The following JAKMIP2 variants were observed in gnomAD, a reference collection of about 807,000 sequenced individuals.
JAKMIP2 encodes janus kinase and microtubule interacting protein 2, also known as janus kinase and microtubule-interacting protein 2.
Under a neutral mutation model 115.0 loss-of-function variants are expected in JAKMIP2, and 25 were observed. That is an observed-to-expected ratio of 0.22 (90% CI 0.16 to 0.30). The LOEUF (loss-of-function observed/expected upper bound fraction) is 0.30. Ranked by LOEUF, JAKMIP2 falls within the 10% of genes least tolerant of loss-of-function variation. The pLI is 1.00. For missense variants in JAKMIP2, 642 were observed against 957.6 expected (o/e 0.67, Z 4.35); for synonymous variants, 334 against 343.6 (o/e 0.97, Z 0.31).
intron 12 of JAKMIP2, among the ~76,000 whole-genome samples, chr5:147,633,738 G>A (rs552821387): frequency 7.0e-6 from 1 of 142,774 alleles, no homozygotes; most frequent in East Asian, 2.2e-4. Flanking sequence ...TCTTGTCCCC[G>A]AGGCTGGAGT....
intron 1 of JAKMIP2, among the ~76,000 whole-genome samples, chr5:147,731,947 C>T (rs1327458729): frequency 6.6e-6 from 1 of 152,168 alleles, no homozygotes; most frequent in Non-Finnish European, 1.5e-5. Flanking sequence ...GAATTTGAGC[C>T]TTGGAGAAGA....
At position 147,591,445 on chromosome 5, in the gene JAKMIP2, T is replaced by C; in HGVS notation, c.*262A>G. 1 of 531,498 alleles carries C rather than the reference T, an allele frequency of 1.9e-6. No homozygotes were observed. The highest frequency in any genetic ancestry group is 3.4e-6 in the Non-Finnish European group (1 of 298,052). The allele number at this position is 531,498 out of a possible 1,614,324, so 32.9% of individuals were successfully genotyped here. A position where few individuals can be genotyped will look rare whatever the true frequency, so the allele number is the denominator to read the frequency against. ...ACAATATATGTTTATAGTTCTTCTCTTCTGATTTGACATATACATGTTTCA... is the reference window on the plus strand; with the variant it reads ...ACAATATATGTTTATAGTTCTTCTCCTCTGATTTGACATATACATGTTTCA... On this transcript the variant is annotated 3_prime_UTR_variant, in exon 22 of 22. Coordinates refer to ENST00000616793, the MANE Select transcript of JAKMIP2 (RefSeq NM_001270941.2).
chr5:147,761,844 A>C (rs1050298260), intron 1 of JAKMIP2, among the ~76,000 whole-genome samples: 6 of 152,164 alleles, frequency 3.9e-5, no homozygotes, highest in African/African-American at 1.4e-4. Context: ...CATAATAATA[A>C]AAGTAATTAA....
chr5:147,590,231 C>G lies in JAKMIP2; in HGVS notation c.*1476G>C, dbSNP rs1363795305. 2 of 152,196 alleles carry G rather than the reference C, an allele frequency of 1.3e-5. No homozygotes were observed. Among genetic ancestry groups the G allele is most frequent in the Admixed American group, 6.5e-5 (1 of 15,274 alleles). The allele number at this position is 152,196 out of a possible 1,614,324, so 9.4% of individuals were successfully genotyped here. ...TAGAAAGAGTTTCTGGCTCCCTACACATATTCTCTATGCATGGGAATTCTA... is the reference window on the plus strand; with the variant it reads ...TAGAAAGAGTTTCTGGCTCCCTACAGATATTCTCTATGCATGGGAATTCTA... On this transcript the variant is annotated 3_prime_UTR_variant, in exon 22 of 22. Transcript: ENST00000616793.
In JAKMIP2 at chr5:147,657,889, A is replaced by G. The variant is rs574387477; in HGVS notation, c.627+3059T>C. Among the ~76,000 whole-genome samples, 4 of 152,026 alleles carry G rather than the reference A, an allele frequency of 2.6e-5. No individual in the cohort carries two copies. The South Asian group carries it at 8.3e-4, about 32-fold the overall frequency. ...TGTTCCTCTCTAAACTGGTTATTCT[A>G]GTTAGCGGTTCCTGTAACCTTTTAT... is the stretch of plus-strand genomic sequence containing the variant. On this transcript the variant is annotated intron_variant, in intron 3 of 21. Coordinates refer to ENST00000616793, the MANE Select transcript of JAKMIP2 (RefSeq NM_001270941.2).
chr5:147,729,080 T>C (rs1750846127), intron 1 of JAKMIP2, among the ~76,000 whole-genome samples: 2 of 151,958 alleles, frequency 1.3e-5, no homozygotes, highest in South Asian at 4.1e-4. Context: ...ATGCAAGGTG[T>C]GTAAGGGAGA....
Position 147,648,451 on chromosome 5 carries a change from T to G in JAKMIP2, c.861A>C (p.Arg287Ser), listed in dbSNP as rs895448257. 1 of 1,604,472 alleles carries G rather than the reference T, an allele frequency of 6.2e-7. No individual in the cohort carries two copies. Among genetic ancestry groups the G allele is most frequent in the Admixed American group, 1.7e-5 (1 of 59,930 alleles). Reference protein sequence around the residue: ...SSPDLRRNQKRIAELNATIRK... With the variant: ...SSPDLRRNQKSIAELNATIRK... ...TTATAGTGGCATTCAATTCAGCTATTCTCTTTTGATTTCTTCGCAAATCCT... is the reference window on the plus strand; with the variant it reads ...TTATAGTGGCATTCAATTCAGCTATGCTCTTTTGATTTCTTCGCAAATCCT... Residue 287 changes from arginine to serine, a missense_variant, in exon 5 of 22, where the codon AGA becomes AGC. Physicochemically the swap from Arg to Ser is moderately radical, Grantham distance 110. Coordinates refer to ENST00000616793, the MANE Select transcript of JAKMIP2 (RefSeq NM_001270941.2).
chr5:147,594,378 A>T, intron 21 of JAKMIP2: 1 of 437,606 alleles, frequency 2.3e-6, no homozygotes, highest in South Asian at 1.6e-5. Flanking sequence ...TTTGTTGCTC[A>T]GGATGGAGTA....
At chr5:147,740,923 T>C (rs1180470419) in intron 1 of JAKMIP2, among the ~76,000 whole-genome samples, 2 of 152,196 alleles carry the variant, frequency 1.3e-5, no homozygotes, top group Non-Finnish European at 2.9e-5. Context: ...ATTTTTAATA[T>C]GATCATAGAT....
At chr5:147,605,074 T>G (rs1354749967) in intron 20 of JAKMIP2, among the ~76,000 whole-genome samples, 1 of 151,908 alleles carries the variant, frequency 6.6e-6, no homozygotes, top group Admixed American at 6.6e-5. Context: ...GAACATGCAG[T>G]GTTTGGTTTT....
intron 1 of JAKMIP2, among the ~76,000 whole-genome samples, chr5:147,688,715 T>A (rs1191888151): frequency 6.6e-6 from 1 of 152,166 alleles, no homozygotes; most frequent in African/African-American, 2.4e-5. Context: ...TAAAGGATGG[T>A]GGCAAAAGAT....
intron 20 of JAKMIP2, among the ~76,000 whole-genome samples, chr5:147,607,649 G>A (rs772578896): frequency 6.6e-6 from 1 of 152,076 alleles, no homozygotes; most frequent in Non-Finnish European, 1.5e-5. Flanking sequence ...TTGTTGTTGT[G>A]TCTCTGCCAG....
In JAKMIP2 at chr5:147,636,243, T is replaced by C. The variant is rs1757611427; in HGVS notation, c.1656A>G (p.Arg552=). 6.2e-7 allele frequency: 1 copy of C among 1,613,646 alleles called. No homozygotes were observed. Among genetic ancestry groups the C allele is most frequent in the African/African-American group, 1.3e-5 (1 of 74,922 alleles). The part of the protein sequence containing the change: ...WVEDKQLFIK[R]NQELLEKIEK... ...ATACCTTTTCTAAAAGCTCCTGGTTTCTCTTAATGAAAAGTTGTTTATCTT... is the reference window on the plus strand; with the variant it reads ...ATACCTTTTCTAAAAGCTCCTGGTTCCTCTTAATGAAAAGTTGTTTATCTT... The change falls in exon 12 of 22, where the codon AGA becomes AGG. Residue 552 remains arginine, a synonymous_variant. Transcript: ENST00000616793.
At chr5:147,723,814 C>A (rs1753411791) in intron 1 of JAKMIP2, among the ~76,000 whole-genome samples, 1 of 152,072 alleles carries the variant, frequency 6.6e-6, no homozygotes, top group Non-Finnish European at 1.5e-5. Flanking sequence ...TTTACAGTAG[C>A]CTAGGGAGAG....
Position 147,773,867 on chromosome 5 carries a change from TAAG to T in JAKMIP2, c.-149+8586_-149+8588del, listed in dbSNP as rs560452730. Among the ~76,000 whole-genome samples the T allele has an allele frequency of 4.9e-3, 740 of 152,278 alleles. 8 individuals are homozygous for T. Among genetic ancestry groups the T allele is most frequent in the Non-Finnish European group, 7.2e-3 (487 of 68,008 alleles). On this transcript the variant is annotated intron_variant, in intron 1 of 21. Transcript: ENST00000616793. ...AGGTCAAAAATGTGGACAATCTGGC[TAAG>T]AAGAGAGCAAGACAGGTAAAGCATT...
rs534388699 is a variant in JAKMIP2, at chr5:147,681,980, C to T, written c.-148-10026G>A. Among the ~76,000 whole-genome samples the T allele has an allele frequency of 1.9e-4, 28 of 149,314 alleles. No homozygotes were observed. The East Asian group carries it at 4.1e-3, about 22-fold the overall frequency. On this transcript the variant is annotated intron_variant, in intron 1 of 21. Coordinates refer to ENST00000616793, the MANE Select transcript of JAKMIP2 (RefSeq NM_001270941.2). ...ACTTGAACCTGGGAGGTCAAGGTTG[C>T]AGTGAGCTGAGGTCGTGCCACTGCA...
At chr5:147,615,800 A>G (rs970572803) in intron 19 of JAKMIP2, among the ~76,000 whole-genome samples, 5 of 152,152 alleles carry the variant, frequency 3.3e-5, no homozygotes, top group South Asian at 2.1e-4. Context: ...CACAGTACTT[A>G]GCACCTAGGA....
rs200848061 is a variant in JAKMIP2, at chr5:147,661,449, A to G, written c.130-4T>C. 68 of 1,605,134 alleles carry G rather than the reference A, an allele frequency of 4.2e-5. No individual in the cohort carries two copies. In the African/African-American group the frequency reaches 8.5e-4, roughly 20 times the overall value. On this transcript the variant is annotated splice_polypyrimidine_tract_variant and splice_region_variant and intron_variant, in intron 2 of 21. Coordinates refer to ENST00000616793, the MANE Select transcript of JAKMIP2 (RefSeq NM_001270941.2). ...TCTCTCTTTCAAGCTTTGATACCTA[A>G]AAACAGAGAGGCGAAATGATGAAGA...
chr5:147,744,929 G>A (rs555058543), intron 1 of JAKMIP2, among the ~76,000 whole-genome samples: 18 of 152,020 alleles, frequency 1.2e-4, no homozygotes, highest in African/African-American at 2.2e-4. Flanking sequence ...ATGGTGGTGC[G>A]TGCCTGTAGT....
Sources: allele counts gnomAD v4.1 joint callset (sites outside exome capture counted in the v4.1 genomes callset), GRCh38; gene constraint gnomAD v4.1.1; transcripts MANE v1.5; gene names NCBI Gene and HGNC (gene_info 2026-07-23, HGNC 2026-07-21).